The following PTPRD variants were observed in gnomAD, a reference collection of about 807,000 sequenced individuals.
PTPRD encodes receptor-type tyrosine-protein phosphatase delta.
In PTPRD, 34 loss-of-function variants were observed where a neutral mutation model predicts 214.5. That is an observed-to-expected ratio of 0.16 (90% CI 0.12 to 0.21). PTPRD has a LOEUF of 0.21. PTPRD is among the 10% of genes least tolerant of loss of function. The pLI is 1.00. For synonymous variants in PTPRD, 1,128 were observed against 845.7 expected (o/e 1.33, Z -5.79); for missense variants, 2,545 against 2,398.7 (o/e 1.06, Z -1.27).
chr9:10,440,304 TTTAG>T (rs1322033713), intron 2 of PTPRD, among the ~76,000 whole-genome samples: 3 of 151,730 alleles, frequency 2.0e-5, no homozygotes, highest in South Asian at 2.1e-4. Flanking sequence ...TTGTTGTCAT[TTTAG>T]TTAGTTTTTT....
At chr9:8,701,169 G>C (rs2098074182) in intron 12 of PTPRD, among the ~76,000 whole-genome samples, 2 of 151,712 alleles carry the variant, frequency 1.3e-5, no homozygotes, top group South Asian at 4.2e-4. Flanking sequence ...TCAAAAAAAA[G>C]AAAGTTAAAT....
intron 10 of PTPRD, among the ~76,000 whole-genome samples, chr9:9,089,840 A>G (rs913775285): frequency 6.6e-6 from 1 of 152,212 alleles, no homozygotes; most frequent in Non-Finnish European, 1.5e-5. Flanking sequence ...CAGAAGGTAA[A>G]AAAAGTAGTA....
rs921505676 is a variant in PTPRD, at chr9:8,378,093, A to T, written c.4387-1367T>A. 3.3e-5 allele frequency among the ~76,000 whole-genome samples: 5 copies of T among 152,096 alleles called. No homozygotes were observed. The South Asian group carries it at 8.3e-4, about 25-fold the overall frequency. On this transcript the variant is annotated intron_variant, in intron 37 of 45. Coordinates refer to ENST00000381196, the MANE Select transcript of PTPRD (RefSeq NM_002839.4). ...TGATTTCAACTTTGAGACCACACAAACATCATCTTTTTGATGAAAACAAAC... is the reference window on the plus strand; with the variant it reads ...TGATTTCAACTTTGAGACCACACAATCATCATCTTTTTGATGAAAACAAAC...
At chr9:10,264,057 A>C (rs774192949) in intron 3 of PTPRD, among the ~76,000 whole-genome samples, 2 of 152,094 alleles carry the variant, frequency 1.3e-5, no homozygotes, top group Non-Finnish European at 2.9e-5. Context: ...TCAAGAATTG[A>C]GGTTTGGGAA....
At chr9:10,406,169 A>G (rs2098354638) in intron 2 of PTPRD, among the ~76,000 whole-genome samples, 1 of 151,422 alleles carries the variant, frequency 6.6e-6, no homozygotes. Flanking sequence ...GCTGAGAAAT[A>G]TTGAATAAAA....
At chr9:9,871,371 C>G (rs2065370584) in intron 5 of PTPRD, among the ~76,000 whole-genome samples, 1 of 152,128 alleles carries the variant, frequency 6.6e-6, no homozygotes, top group African/African-American at 2.4e-5. Flanking sequence ...TTCATGTAGT[C>G]TTGTATCCTT....
intron 2 of PTPRD, among the ~76,000 whole-genome samples, chr9:10,342,148 T>C (rs370641177): frequency 6.6e-6 from 1 of 152,052 alleles, no homozygotes; most frequent in East Asian, 1.9e-4. Flanking sequence ...CTAATTAGTA[T>C]GGACTTCACT....
intron 9 of PTPRD, among the ~76,000 whole-genome samples, chr9:9,314,339 C>G (rs1961225059): frequency 6.6e-6 from 1 of 152,064 alleles, no homozygotes; most frequent in African/African-American, 2.4e-5. Context: ...AAGTTCTGTT[C>G]TTACATCACT....
At chr9:10,472,137 T>A (rs905761494) in intron 2 of PTPRD, among the ~76,000 whole-genome samples, 2 of 152,144 alleles carry the variant, frequency 1.3e-5, no homozygotes, top group Non-Finnish European at 2.9e-5. Flanking sequence ...TTAATTAGAA[T>A]ACAGTAAATG....
intron 10 of PTPRD, among the ~76,000 whole-genome samples, chr9:9,075,715 C>A (rs2099750051): frequency 6.6e-6 from 1 of 152,272 alleles, no homozygotes; most frequent in South Asian, 2.1e-4. Flanking sequence ...GCAGCTTCAT[C>A]CATGTCCCTA....
At chr9:8,597,093 T>C (rs2094516361) in intron 14 of PTPRD, among the ~76,000 whole-genome samples, 1 of 152,082 alleles carries the variant, frequency 6.6e-6, no homozygotes, top group Non-Finnish European at 1.5e-5. Context: ...AAAATTACAA[T>C]CATGCGTTAC....
At chr9:9,086,816 A>G (rs555542233) in intron 10 of PTPRD, among the ~76,000 whole-genome samples, 1 of 152,264 alleles carries the variant, frequency 6.6e-6, no homozygotes, top group African/African-American at 2.4e-5. Context: ...TGAGTCACAG[A>G]CTTCTGGGGA....
At chr9:9,932,285 C>T (rs1299652020) in intron 5 of PTPRD, among the ~76,000 whole-genome samples, 18 of 147,442 alleles carry the variant, frequency 1.2e-4, no homozygotes, top group East Asian at 6.0e-4. Context: ...CTCTGAGCTA[C>T]GGGAGGACAT....
intron 7 of PTPRD, among the ~76,000 whole-genome samples, chr9:9,659,441 A>T (rs941007070): frequency 3.9e-5 from 6 of 152,072 alleles, no homozygotes; most frequent in African/African-American, 1.4e-4. Flanking sequence ...TGCTTATTAT[A>T]CTGGGGGCTT....
At chr9:10,162,224 A>G (rs1330653981) in intron 3 of PTPRD, among the ~76,000 whole-genome samples, 1 of 151,548 alleles carries the variant, frequency 6.6e-6, no homozygotes, top group Non-Finnish European at 1.5e-5. Flanking sequence ...TAATGAGTAA[A>G]TCAAAGAAAT....
chr9:8,774,014 A>T lies in PTPRD; in HGVS notation c.-103-40068T>A, dbSNP rs927368653. ...AGTTAGGCAGCCCTCCTCAACGCGCAAAGGAGCCATCTATTATCCAATCTC... is the reference window on the plus strand; with the variant it reads ...AGTTAGGCAGCCCTCCTCAACGCGCTAAGGAGCCATCTATTATCCAATCTC... On this transcript the variant is annotated intron_variant, in intron 11 of 45. Coordinates refer to ENST00000381196, the MANE Select transcript of PTPRD (RefSeq NM_002839.4). Among the ~76,000 whole-genome samples, 11 of 152,204 alleles carry T rather than the reference A, an allele frequency of 7.2e-5. No individual in the cohort carries two copies. The East Asian group carries it at 2.1e-3, about 29-fold the overall frequency.
chr9:9,386,680 C>T (rs914358330), intron 9 of PTPRD, among the ~76,000 whole-genome samples: 4 of 151,896 alleles, frequency 2.6e-5, no homozygotes, highest in Non-Finnish European at 4.4e-5. Flanking sequence ...AAATTAAAAC[C>T]TTCACATGTA....
intron 3 of PTPRD, among the ~76,000 whole-genome samples, chr9:10,094,316 G>C (rs564327931): frequency 1.3e-5 from 2 of 151,106 alleles, no homozygotes; most frequent in Non-Finnish European, 3.0e-5. Context: ...TCACAAGTCA[G>C]AGTCACTGGA....
chr9:9,918,635 C>G (rs10816231), intron 5 of PTPRD, among the ~76,000 whole-genome samples: 4 of 152,002 alleles, frequency 2.6e-5, no homozygotes, highest in Non-Finnish European at 5.9e-5. Flanking sequence ...AGGCGTGACG[C>G]TACCAGACTT....
Sources: gnomAD v4.1 joint callset for allele counts (sites outside exome capture counted in the v4.1 genomes callset) on GRCh38, gnomAD v4.1.1 for gene constraint, MANE v1.5 for transcripts, NCBI Gene and HGNC (gene_info 2026-07-23, HGNC 2026-07-21) for gene names.